The following FARS2 variants were observed in gnomAD, a reference collection of about 807,000 sequenced individuals.
FARS2 encodes the protein phenylalanyl-tRNA synthetase 2, mitochondrial.
In FARS2, 40 loss-of-function variants were observed where a neutral mutation model predicts 46.4. The observed-to-expected ratio is 0.86, with a 90% CI of 0.67 to 1.12. The LOEUF (loss-of-function observed/expected upper bound fraction) is 1.12. Ranked by LOEUF, FARS2 falls within the 50% of genes most tolerant of loss-of-function variation. The probability of loss-of-function intolerance (pLI) is 0.00; values close to 1 mark genes in which losing one functional copy is unlikely to be tolerated. For synonymous variants in FARS2, 234 were observed against 214.9 expected (o/e 1.09, Z -0.78); for missense variants, 513 against 567.9 (o/e 0.90, Z 0.98).
At chr6:5,486,230 A>G (rs1766767315) in intron 4 of FARS2, among the ~76,000 whole-genome samples, 2 of 152,136 alleles carry the variant, frequency 1.3e-5, no homozygotes, top group South Asian at 2.1e-4. Context: ...TATATATTAT[A>G]TATTTTTATA....
At chr6:5,322,707 G>A (rs1332927335) in intron 1 of FARS2, among the ~76,000 whole-genome samples, 6 of 152,232 alleles carry the variant, frequency 3.9e-5, no homozygotes, top group Non-Finnish European at 8.8e-5. Flanking sequence ...TTGCAGAGAC[G>A]TGACCTTTGG....
At chr6:5,601,269 C>G (rs1774494302) in intron 5 of FARS2, among the ~76,000 whole-genome samples, 1 of 152,006 alleles carries the variant, frequency 6.6e-6, no homozygotes, top group Non-Finnish European at 1.5e-5. Flanking sequence ...CGCCTGTAAT[C>G]CCAGCACTTT....
chr6:5,483,980 C>T (rs1766627482), intron 4 of FARS2, among the ~76,000 whole-genome samples: 1 of 152,042 alleles, frequency 6.6e-6, no homozygotes, highest in Non-Finnish European at 1.5e-5. Flanking sequence ...GTAAAACTTA[C>T]AGGCAATAGC....
chr6:5,732,154 A>G (rs1170859185), intron 6 of FARS2, among the ~76,000 whole-genome samples: 1 of 152,244 alleles, frequency 6.6e-6, no homozygotes, highest in Non-Finnish European at 1.5e-5. Flanking sequence ...AGCACCTGCT[A>G]TGTACCAGCC....
At chr6:5,467,224 T>C (rs1291566870) in intron 4 of FARS2, 1 of 399,820 alleles carries the variant, frequency 2.5e-6, no homozygotes, top group Non-Finnish European at 3.4e-6. Flanking sequence ...TTTATTTATT[T>C]ATTGCCACAG....
chr6:5,549,931 A>T (rs1338289524), intron 5 of FARS2, among the ~76,000 whole-genome samples: 2 of 152,104 alleles, frequency 1.3e-5, no homozygotes, highest in Non-Finnish European at 2.9e-5. Context: ...ATGTCATCTA[A>T]ATATCATCAG....
chr6:5,354,980 T>C (rs143069685), intron 1 of FARS2, among the ~76,000 whole-genome samples: 17 of 152,354 alleles, frequency 1.1e-4, no homozygotes, highest in African/African-American at 3.4e-4. Flanking sequence ...CTTGGGACTG[T>C]ATTTTGAGAA....
At chr6:5,547,763 T>C (rs1771123577) in intron 5 of FARS2, among the ~76,000 whole-genome samples, 1 of 152,272 alleles carries the variant, frequency 6.6e-6, no homozygotes, top group African/African-American at 2.4e-5. Flanking sequence ...TGGCTCATTC[T>C]TCTTATTCCA....
At position 5,416,358 on chromosome 6, in the gene FARS2, C is replaced by A. The variant is rs143076647; in HGVS notation, c.772+11657C>A. On this transcript the variant is annotated intron_variant, in intron 3 of 6. Coordinates refer to ENST00000274680, the MANE Select transcript of FARS2 (RefSeq NM_006567.5). ...GAAATTTTGTTTTCCATATTGATAT[C>A]CAGTTGTTCCAGCATCGTTTGTTGA... Among the ~76,000 whole-genome samples, 512 of 152,232 alleles carry A rather than the reference C, an allele frequency of 3.4e-3. 12 individuals are homozygous for A. The highest frequency in any genetic ancestry group is 0.027 in the Admixed American group (420 of 15,294).
Position 5,296,803 on chromosome 6 carries a change from CTG to C in FARS2, c.-22+35147_-22+35148del, listed in dbSNP as rs564018798. ...TATTACATTGTCTGGATAGAGCACA[CTG>C]TGTTTCTCCATTCATTCATCAGAGG... On this transcript the variant is annotated intron_variant, in intron 1 of 6. Coordinates refer to ENST00000274680, the MANE Select transcript of FARS2 (RefSeq NM_006567.5). 2.1e-3 allele frequency among the ~76,000 whole-genome samples: 317 copies of C among 152,296 alleles called. 2 individuals are homozygous for C. The highest frequency in any genetic ancestry group is 7.4e-3 in the African/African-American group (306 of 41,546).
chr6:5,498,009 T>G lies in FARS2; in HGVS notation c.905-47171T>G, dbSNP rs1414149738. Among the ~76,000 whole-genome samples, 3 of 152,210 alleles carry G rather than the reference T, an allele frequency of 2.0e-5. No homozygotes were observed. The East Asian group carries it at 5.8e-4, about 29-fold the overall frequency. ...TAGAGCCAGTTTTGAGAGGGATAGC[T>G]ATCTTCTCTGATCACATCTGCTTTC... On this transcript the variant is annotated intron_variant, in intron 4 of 6. Transcript: ENST00000274680.
At chr6:5,505,980 G>C (rs1768076397) in intron 4 of FARS2, among the ~76,000 whole-genome samples, 1 of 152,140 alleles carries the variant, frequency 6.6e-6, no homozygotes, top group Non-Finnish European at 1.5e-5. Context: ...AGCAAATTAA[G>C]ACATTGAAAC....
At chr6:5,606,628 C>G (rs878967885) in intron 5 of FARS2, among the ~76,000 whole-genome samples, 1 of 152,134 alleles carries the variant, frequency 6.6e-6, no homozygotes, top group South Asian at 2.1e-4. Context: ...TTCATAGATG[C>G]AGGCAGAAAG....
At chr6:5,255,953 C>T in the FARS2 span, among the ~76,000 whole-genome samples, 1 of 152,048 alleles carries the variant, frequency 6.6e-6, no homozygotes, top group East Asian at 1.9e-4. Context: ...GATGATAATT[C>T]CACTTATCAA....
At chr6:5,393,583 G>A (rs1050408874) in intron 2 of FARS2, among the ~76,000 whole-genome samples, 8 of 152,054 alleles carry the variant, frequency 5.3e-5, no homozygotes, top group Admixed American at 2.6e-4. Flanking sequence ...ACTTGAACCC[G>A]GAGGCGGAGG....
Position 5,485,016 on chromosome 6 carries a change from T to G in FARS2, c.904+53844T>G, listed in dbSNP as rs202213468. On this transcript the variant is annotated intron_variant, in intron 4 of 6. Transcript: ENST00000274680. ...GGAGGAGCCCTCCCTGGGCACTCAG[T>G]TGGTGGAGAGGAGAGAGGCTCTTCC... is the stretch of plus-strand genomic sequence containing the variant. Among the ~76,000 whole-genome samples, 3 of 152,176 alleles carry G rather than the reference T, an allele frequency of 2.0e-5. No individual in the cohort carries two copies. The East Asian group carries it at 5.8e-4, about 30-fold the overall frequency.
intron 3 of FARS2, among the ~76,000 whole-genome samples, chr6:5,415,569 G>A (rs192357207): frequency 1.3e-5 from 2 of 151,876 alleles, no homozygotes; most frequent in East Asian, 1.9e-4. Flanking sequence ...CACCCACCTC[G>A]GCCTCCCAAA....
chr6:5,456,741 A>AAAAAG (rs754111405), intron 4 of FARS2, among the ~76,000 whole-genome samples: 1 of 148,390 alleles, frequency 6.7e-6, no homozygotes, highest in Non-Finnish European at 1.5e-5. Context: ...AAAAAAAAAA[A>AAAAAG]AAAAAAAGAG....
intron 2 of FARS2, among the ~76,000 whole-genome samples, chr6:5,399,160 A>T (rs1338534743): frequency 7.4e-6 from 1 of 135,182 alleles, no homozygotes; most frequent in Non-Finnish European, 1.6e-5. Context: ...TATTATTATT[A>T]TTATTATTAT....
Sources: gnomAD v4.1 joint callset for allele counts (sites outside exome capture counted in the v4.1 genomes callset) on GRCh38, gnomAD v4.1.1 for gene constraint, MANE v1.5 for transcripts, NCBI Gene and HGNC (gene_info 2026-07-23, HGNC 2026-07-21) for gene names.